Variants in CACNA1B observed in about 807,000 individuals in gnomAD.
The protein encoded by CACNA1B is calcium voltage-gated channel subunit alpha1 B, also known as voltage-dependent N-type calcium channel subunit alpha-1B.
A neutral mutation model predicts 247.2 loss-of-function variants in CACNA1B; 70 were observed. The observed-to-expected ratio is 0.28, with a 90% CI of 0.23 to 0.35. The LOEUF (loss-of-function observed/expected upper bound fraction) is 0.35. CACNA1B is among the 10% of genes least tolerant of loss of function. CACNA1B has a pLI of 1.00. For missense variants in CACNA1B, 2,367 were observed against 3,197.4 expected (o/e 0.74, Z 6.26); for synonymous variants, 1,231 against 1,294.4 (o/e 0.95, Z 1.05).
chr9:138,108,734 T>G (rs927611973), intron 39 of CACNA1B, among the ~76,000 whole-genome samples: 28 of 152,106 alleles, frequency 1.8e-4, no homozygotes, highest in African/African-American at 6.8e-4. Context: ...CTACAAGCTC[T>G]GCCTCCTGGG....
chr9:138,121,625 GC>G lies in CACNA1B; in HGVS notation c.6647del (p.Ala2216ValfsTer85). ...ANSSPIHFAG[A>X]QTSLPAFSPG... ...CTCCTCACCCATCCACTTCGCCGGG[GC>G]TCAGACCAGCCTCCCTGCCTTCTCC... On this transcript the variant is annotated frameshift_variant, in exon 47 of 47. Transcript: ENST00000371372. LOFTEE classifies it high-confidence loss of function. This position sits in a 1 kb window ranked among gnomAD's most constrained non-coding sequence, Gnocchi z 6.8. 1 of 1,612,946 alleles carries G rather than the reference GC, an allele frequency of 6.2e-7. No individual in the cohort carries two copies. The highest frequency in any genetic ancestry group is 8.5e-7 in the Non-Finnish European group (1 of 1,179,382).
intron 25 of CACNA1B, among the ~76,000 whole-genome samples, chr9:138,053,389 G>T (rs894522732): frequency 2.6e-5 from 4 of 152,208 alleles, no homozygotes; most frequent in Admixed American, 6.5e-5. Context: ...GAAGCTGGCG[G>T]TGGAGCCTCT....
chr9:138,059,294 A>G lies in CACNA1B; in HGVS notation c.4584+105A>G, dbSNP rs1959630566. 1 of 692,718 alleles carries G rather than the reference A, an allele frequency of 1.4e-6. No individual in the cohort carries two copies. Among genetic ancestry groups the G allele is most frequent in the East Asian group, 2.7e-5 (1 of 36,868 alleles). 42.9% of individuals were successfully genotyped at this position (692,718 alleles called of 1,614,324 possible). On this transcript the variant is annotated intron_variant, in intron 30 of 46. Coordinates refer to ENST00000371372, the MANE Select transcript of CACNA1B (RefSeq NM_000718.4). The surrounding 1 kb of genome is among the most constrained non-coding windows in gnomAD (Gnocchi z 4.2). ...ACAATTTGGAGCTGGGAATTCTCCG[A>G]GTACCCAGAGTATATGTAATGCTAC... is the stretch of plus-strand genomic sequence containing the variant.
intron 6 of CACNA1B, among the ~76,000 whole-genome samples, chr9:137,934,823 G>T (rs928204251): frequency 6.6e-6 from 1 of 152,158 alleles, no homozygotes; most frequent in African/African-American, 2.4e-5. Context: ...AAAAGAATCT[G>T]AACAACAGCC....
Position 138,010,402 on chromosome 9 carries a change from C to T in CACNA1B, c.2160+325C>T, listed in dbSNP as rs563313128. On this transcript the variant is annotated intron_variant, in intron 17 of 46. Coordinates refer to ENST00000371372, the MANE Select transcript of CACNA1B (RefSeq NM_000718.4). The surrounding 1 kb of genome is among the most constrained non-coding windows in gnomAD (Gnocchi z 5.3). ...GCCCTATCCCAGCACAGCTGTGCCA[C>T]AGTGGGACAGCTGCTGCTTCAGGCA... Among the ~76,000 whole-genome samples the T allele has an allele frequency of 2.3e-4, 35 of 152,324 alleles. No homozygotes were observed. The highest frequency in any genetic ancestry group is 8.2e-4 in the African/African-American group (34 of 41,568).
At chr9:138,033,173 A>G (rs1196098499) in intron 20 of CACNA1B, among the ~76,000 whole-genome samples, 1 of 152,148 alleles carries the variant, frequency 6.6e-6, no homozygotes, top group Non-Finnish European at 1.5e-5. Flanking sequence ...TGTGGAGCCC[A>G]TCTATTGATT....
Position 137,950,388 on chromosome 9 carries a change from A to G in CACNA1B, c.967-1886A>G, listed in dbSNP as rs1265956761. Among the ~76,000 whole-genome samples the G allele has an allele frequency of 6.6e-6, 1 of 152,208 alleles. No individual in the cohort carries two copies. The highest frequency in any genetic ancestry group is 2.4e-5 in the African/African-American group (1 of 41,450). ...CCTACTGCCTGTGTAAATGGAAGTC[A>G]AGGTGTCCCGTGTGGTCTTCACTAG... On this transcript the variant is annotated intron_variant, in intron 6 of 46. Transcript: ENST00000371372. This position sits in a 1 kb window ranked among gnomAD's most constrained non-coding sequence, Gnocchi z 4.8.
intron 45 of CACNA1B, 74 bp from the exon 46 acceptor site, chr9:138,120,557 G>T (rs979360333): frequency 1.4e-6 from 2 of 1,445,534 alleles, no homozygotes; most frequent in Non-Finnish European, 1.8e-6. Flanking sequence ...CCTGAATTCT[G>T]TCCTGCTGGG....
At chr9:138,015,606 C>G (rs1370680960) in intron 18 of CACNA1B, among the ~76,000 whole-genome samples, 1 of 152,212 alleles carries the variant, frequency 6.6e-6, no homozygotes, top group Admixed American at 6.5e-5. Context: ...GCCTGCGGAG[C>G]GGGGCCAATG....
At chr9:138,110,598 G>C (rs533647981) in intron 39 of CACNA1B, among the ~76,000 whole-genome samples, 3 of 152,260 alleles carry the variant, frequency 2.0e-5, no homozygotes, top group Admixed American at 1.3e-4. Context: ...TGGGCATGGT[G>C]GCGCATGCCT....
intron 6 of CACNA1B, among the ~76,000 whole-genome samples, chr9:137,942,877 T>A (rs1285441565): frequency 6.6e-6 from 1 of 152,086 alleles, no homozygotes; most frequent in Admixed American, 6.5e-5. Context: ...ACTGCTTGGG[T>A]GATAGGTGCA....
intron 15 of CACNA1B, among the ~76,000 whole-genome samples, chr9:137,989,062 G>A (rs1467862721): frequency 6.6e-6 from 1 of 152,164 alleles, no homozygotes; most frequent in African/African-American, 2.4e-5. Flanking sequence ...CCCAGACAGT[G>A]CCAACAGCAT....
In CACNA1B at chr9:137,957,575, C is replaced by T; in HGVS notation, c.1244-23C>T. 1 of 1,547,440 alleles carries T rather than the reference C, an allele frequency of 6.5e-7. No homozygotes were observed. Among genetic ancestry groups the T allele is most frequent in the Non-Finnish European group, 8.7e-7 (1 of 1,144,688 alleles). On this transcript the variant is annotated intron_variant, in intron 9 of 46. Coordinates refer to ENST00000371372, the MANE Select transcript of CACNA1B (RefSeq NM_000718.4). This position sits in a 1 kb window ranked among gnomAD's most constrained non-coding sequence, Gnocchi z 4.7. ...CTGAGGGCTGCAGCTCAGGCAGTCTCTCCCATCCTTTGTTTAAAGCAGTGC... is the reference window on the plus strand; with the variant it reads ...CTGAGGGCTGCAGCTCAGGCAGTCTTTCCCATCCTTTGTTTAAAGCAGTGC...
At chr9:138,120,082 C>T in intron 44 of CACNA1B, 83 bp from the exon 45 acceptor site, 1 of 1,210,596 alleles carries the variant, frequency 8.3e-7, no homozygotes, top group Non-Finnish European at 1.2e-6. Context: ...GCTGTCTGGC[C>T]TGCTCCACCA....
chr9:138,099,406 ATGTG>A (rs1306564820), intron 37 of CACNA1B, among the ~76,000 whole-genome samples: 2 of 151,712 alleles, frequency 1.3e-5, no homozygotes, highest in South Asian at 2.1e-4. Flanking sequence ...TTGTATGTGG[ATGTG>A]TGTATGAATG....
chr9:138,050,093 C>T lies in CACNA1B; in HGVS notation c.3710+778C>T. The T allele has an allele frequency of 7.8e-7, 1 of 1,288,922 alleles. No individual in the cohort carries two copies. Among genetic ancestry groups the T allele is most frequent in the Non-Finnish European group, 1.0e-6 (1 of 988,078 alleles). The allele number at this position is 1,288,922 out of a possible 1,614,324, so 79.8% of individuals were successfully genotyped here. A position where few individuals can be genotyped will look rare whatever the true frequency, so the allele number is the denominator to read the frequency against. On this transcript the variant is annotated intron_variant, in intron 24 of 46. Transcript: ENST00000371372. The surrounding 1 kb of genome is among the most constrained non-coding windows in gnomAD (Gnocchi z 5.2). ...TCGGCAGGAGCTTCGTGGGGTAATGCCTTCTCTCCCCCACACGCTGCCCCT... is the reference window on the plus strand; with the variant it reads ...TCGGCAGGAGCTTCGTGGGGTAATGTCTTCTCTCCCCCACACGCTGCCCCT...
At chr9:137,895,044 G>A (rs1957157784) in intron 3 of CACNA1B, among the ~76,000 whole-genome samples, 1 of 152,156 alleles carries the variant, frequency 6.6e-6, no homozygotes, top group South Asian at 2.1e-4. Context: ...AGGTTGAGGA[G>A]TTTGTTTTGT....
chr9:137,944,785 T>G (rs1242432396), intron 6 of CACNA1B, among the ~76,000 whole-genome samples: 2 of 152,158 alleles, frequency 1.3e-5, no homozygotes, highest in Admixed American at 1.3e-4. Context: ...GTAGCAGGGC[T>G]GGAGGGGGAG....
At position 138,050,263 on chromosome 9, in the gene CACNA1B, G is replaced by C. The variant is rs938557456; in HGVS notation, c.3710+948G>C. On this transcript the variant is annotated intron_variant, in intron 24 of 46. Coordinates refer to ENST00000371372, the MANE Select transcript of CACNA1B (RefSeq NM_000718.4). This position sits in a 1 kb window ranked among gnomAD's most constrained non-coding sequence, Gnocchi z 5.2. Reference sequence around the variant, plus strand: ...GTTCCTGCCATGCCTCTGGGAGCGGGGCGGGGAGCTGGGCTGGAGCTGGGC... The same window carrying C: ...GTTCCTGCCATGCCTCTGGGAGCGGCGCGGGGAGCTGGGCTGGAGCTGGGC... Among the ~76,000 whole-genome samples, 1 of 152,232 alleles carries C rather than the reference G, an allele frequency of 6.6e-6. No homozygotes were observed. Among genetic ancestry groups the C allele is most frequent in the Non-Finnish European group, 1.5e-5 (1 of 68,036 alleles).
Sources: allele counts gnomAD v4.1 joint callset (sites outside exome capture counted in the v4.1 genomes callset), GRCh38; gene constraint gnomAD v4.1.1; non-coding constraint Gnocchi (gnomAD v3.1); transcripts MANE v1.5; gene names NCBI Gene and HGNC (gene_info 2026-07-23, HGNC 2026-07-21).